Variants in CLIP1 observed in about 807,000 individuals in gnomAD.
The protein encoded by CLIP1 is CAP-Gly domain containing linker protein 1, also known as CAP-Gly domain-containing linker protein 1.
Under a neutral mutation model 161.6 loss-of-function variants are expected in CLIP1, and 66 were observed. That is an observed-to-expected ratio of 0.41 (90% CI 0.33 to 0.50). The LOEUF (loss-of-function observed/expected upper bound fraction) is 0.50. Among genes scored for constraint, CLIP1 ranks in the 20% least tolerant of loss-of-function variants. The probability of loss-of-function intolerance (pLI) is 0.27; values close to 1 mark genes in which losing one functional copy is unlikely to be tolerated. For synonymous variants in CLIP1, 598 were observed against 626.2 expected (o/e 0.96, Z 0.67); for missense variants, 1,376 against 1,702.0 (o/e 0.81, Z 3.37).
At chr12:122,302,606 A>C (rs1950728177) in intron 20 of CLIP1, among the ~76,000 whole-genome samples, 1 of 151,806 alleles carries the variant, frequency 6.6e-6, no homozygotes, top group South Asian at 2.1e-4. Flanking sequence ...ACGCACACAC[A>C]CATATATTTG....
At chr12:122,343,090 C>T (rs1952579833) in intron 10 of CLIP1, 1 of 150,998 alleles carries the variant, frequency 6.6e-6, no homozygotes, top group Non-Finnish European at 1.5e-5. Context: ...AACACATCAC[C>T]TGTAGAATGA....
At chr12:122,284,580 G>C (rs1400064934) in intron 21 of CLIP1, among the ~76,000 whole-genome samples, 1 of 152,084 alleles carries the variant, frequency 6.6e-6, no homozygotes, top group East Asian at 1.9e-4. Context: ...TCAAACTCCT[G>C]ACCTCAGGTG....
chr12:122,276,339 GA>G (rs1955423866), intron 24 of CLIP1: 1 of 1,207,456 alleles, frequency 8.3e-7, no homozygotes, highest in Non-Finnish European at 1.1e-6. Context: ...TCCATTTCAG[GA>G]AGAAGAAAAA....
chr12:122,422,405 C>G (rs948964621), intron 1 of CLIP1, 116 bp downstream of exon 1: 1 of 151,234 alleles, frequency 6.6e-6, no homozygotes, highest in Non-Finnish European at 1.5e-5. Flanking sequence ...GCCCCGCTCC[C>G]GGACGCCGGG....
chr12:122,322,983 T>G (rs1236307455), intron 17 of CLIP1: 1 of 152,584 alleles, frequency 6.6e-6, no homozygotes, highest in African/African-American at 2.4e-5. Flanking sequence ...TGGTTTTCCT[T>G]TTTTCTCTCT....
At chr12:122,291,494 C>T (rs547732843) in intron 20 of CLIP1, among the ~76,000 whole-genome samples, 1 of 152,232 alleles carries the variant, frequency 6.6e-6, no homozygotes, top group East Asian at 1.9e-4. Context: ...CCGGCCAGTT[C>T]CTCATTCTTT....
chr12:122,395,060 T>G lies in CLIP1; in HGVS notation c.-106-14502A>C, dbSNP rs189620784. On this transcript the variant is annotated intron_variant, in intron 1 of 25. Coordinates refer to ENST00000620786, the MANE Select transcript of CLIP1 (RefSeq NM_001247997.2). Reference sequence around the variant, plus strand: ...ATTGAGACCTCTGGGTCATAAAGAATTTCTGCCACTGATAACCTAGTCTAA... The same window carrying G: ...ATTGAGACCTCTGGGTCATAAAGAAGTTCTGCCACTGATAACCTAGTCTAA... Among the ~76,000 whole-genome samples the G allele has an allele frequency of 2.6e-5, 4 of 152,306 alleles. No individual in the cohort carries two copies. In the East Asian group the frequency reaches 7.7e-4, roughly 29 times the overall value.
At chr12:122,284,960 G>A (rs1299423679) in intron 21 of CLIP1, among the ~76,000 whole-genome samples, 1 of 151,976 alleles carries the variant, frequency 6.6e-6, no homozygotes, top group Non-Finnish European at 1.5e-5. Context: ...TTATTTTAGA[G>A]ACAGGGTCTC....
At chr12:122,403,494 GT>G (rs1036910823) in intron 1 of CLIP1, among the ~76,000 whole-genome samples, 3 of 55,816 alleles carry the variant, frequency 5.4e-5, no homozygotes, top group Non-Finnish European at 1.2e-4. Flanking sequence ...ATCATTTCTT[GT>G]TTTGTTTTTT....
At chr12:122,348,290 T>C (rs1952844071) in intron 9 of CLIP1, among the ~76,000 whole-genome samples, 1 of 152,174 alleles carries the variant, frequency 6.6e-6, no homozygotes, top group South Asian at 2.1e-4. Flanking sequence ...GTAATAATTA[T>C]CCTCTATAGT....
At position 122,278,215 on chromosome 12, in the gene CLIP1, G is replaced by GCA; in HGVS notation, c.3917-13_3917-12insTG. On this transcript the variant is annotated splice_polypyrimidine_tract_variant and intron_variant, in intron 23 of 25. Transcript: ENST00000620786. Reference sequence around the variant, plus strand: ...AGTGTCTGTATTACCTTATATTTGAGGAAAAAAAAAAAAAAACAAGTGGAG... The same window carrying GCA: ...AGTGTCTGTATTACCTTATATTTGAGCAGAAAAAAAAAAAAAAACAAGTGGAG... 1 of 1,196,536 alleles carries GCA rather than the reference G, an allele frequency of 8.4e-7. No homozygotes were observed. The highest frequency in any genetic ancestry group is 1.1e-6 in the Non-Finnish European group (1 of 915,122). 74.1% of individuals were successfully genotyped at this position (1,196,536 alleles called of 1,614,324 possible).
At chr12:122,381,340 A>T (rs1035185945) in intron 1 of CLIP1, among the ~76,000 whole-genome samples, 3 of 152,248 alleles carry the variant, frequency 2.0e-5, no homozygotes, top group Non-Finnish European at 4.4e-5. Flanking sequence ...CTACAGGAAG[A>T]TTAAAACTAT....
chr12:122,356,857 C>G (rs1593149471), intron 5 of CLIP1, among the ~76,000 whole-genome samples: 2 of 152,244 alleles, frequency 1.3e-5, no homozygotes, highest in Admixed American at 6.5e-5. Context: ...CCGGGCTGGT[C>G]TCCAGCTCCT....
At chr12:122,377,351 A>AG in intron 3 of CLIP1, 38 bp downstream of exon 3, 1 of 1,555,768 alleles carries the variant, frequency 6.4e-7, no homozygotes. Context: ...TTTATATCTC[A>AG]GTTCAATGAA....
At chr12:122,337,981 C>T (rs1198529376) in intron 11 of CLIP1, among the ~76,000 whole-genome samples, 1 of 147,238 alleles carries the variant, frequency 6.8e-6, no homozygotes, top group African/African-American at 2.5e-5. Context: ...TGCCACTGCA[C>T]TCCAGCCTGG....
intron 20 of CLIP1, among the ~76,000 whole-genome samples, chr12:122,306,462 A>G (rs1025251548): frequency 6.6e-6 from 1 of 152,124 alleles, no homozygotes; most frequent in African/African-American, 2.4e-5. Context: ...CCATGCATTC[A>G]TTCAAACCTA....
At chr12:122,369,793 C>T (rs757157156) in intron 3 of CLIP1, among the ~76,000 whole-genome samples, 5 of 151,300 alleles carry the variant, frequency 3.3e-5, no homozygotes, top group Non-Finnish European at 7.4e-5. Flanking sequence ...TAAGTGACCA[C>T]GAGGCACCGG....
chr12:122,334,192 A>T (rs1368671109), intron 13 of CLIP1, 82 bp from the exon 14 acceptor site: 1 of 818,364 alleles, frequency 1.2e-6, no homozygotes, highest in Admixed American at 2.1e-5. Context: ...CAACCCAGTC[A>T]AATATTATGC....
intron 4 of CLIP1, among the ~76,000 whole-genome samples, chr12:122,363,540 G>A (rs1342893624): frequency 6.6e-6 from 1 of 151,734 alleles, no homozygotes; most frequent in Non-Finnish European, 1.5e-5. Context: ...GATGGAAGAG[G>A]TCCGCTTGGC....
Sources: allele counts gnomAD v4.1 joint callset (sites outside exome capture counted in the v4.1 genomes callset), GRCh38; gene constraint gnomAD v4.1.1; transcripts MANE v1.5; gene names NCBI Gene and HGNC (gene_info 2026-07-23, HGNC 2026-07-21).